MTMR2: variants seen among roughly 807,000 people sequenced by gnomAD.
The protein encoded by MTMR2 is myotubularin related protein 2.
In MTMR2, 55 loss-of-function variants were observed where a neutral mutation model predicts 86.9. The ratio of observed to expected loss-of-function variants is 0.63; its 90% CI spans 0.51 to 0.79. The LOEUF (loss-of-function observed/expected upper bound fraction) is 0.79. MTMR2 is among the 30% of genes least tolerant of loss of function. MTMR2 has a pLI of 0.00. For missense variants in MTMR2, 659 were observed against 772.3 expected (o/e 0.85, Z 1.74); for synonymous variants, 241 against 266.8 (o/e 0.90, Z 0.94).
At chr11:95,851,636 C>T (rs1481861536) in intron 7 of MTMR2, among the ~76,000 whole-genome samples, 1 of 152,150 alleles carries the variant, frequency 6.6e-6, no homozygotes, top group Non-Finnish European at 1.5e-5. Context: ...TGCAGGGTCT[C>T]ATTCAGTTTG....
intron 13 of MTMR2, among the ~76,000 whole-genome samples, chr11:95,837,135 ATACT>A (rs1405650562): frequency 2.6e-5 from 4 of 152,050 alleles, no homozygotes; most frequent in Non-Finnish European, 5.9e-5. Context: ...ATGCATAGAA[ATACT>A]TACTGCATGC....
At chr11:95,889,577 A>C (rs1314980278) in intron 1 of MTMR2, among the ~76,000 whole-genome samples, 1 of 151,610 alleles carries the variant, frequency 6.6e-6, no homozygotes, top group Non-Finnish European at 1.5e-5. Flanking sequence ...TGTTCTCCTC[A>C]AACTCCTGGC....
In MTMR2 at chr11:95,874,465, C is replaced by T. The variant is rs750548977; in HGVS notation, c.187-8789G>A. ...TTGCTTGGTAGATCTTCCTCCATCC[C>T]TTTATTTTGAGCCTATGTGTGTCTC... is the stretch of plus-strand genomic sequence containing the variant. On this transcript the variant is annotated intron_variant, in intron 2 of 14. Transcript: ENST00000346299. 1.2e-3 allele frequency among the ~76,000 whole-genome samples: 177 copies of T among 151,954 alleles called. 2 individuals are homozygous for T. The highest frequency in any genetic ancestry group is 1.3e-3 in the Non-Finnish European group (89 of 67,942).
At position 95,852,355 on chromosome 11, in the gene MTMR2, C is replaced by T. The variant is rs1289221787; in HGVS notation, c.655-1606G>A. On this transcript the variant is annotated intron_variant, in intron 7 of 14. Transcript: ENST00000346299. ...TTATTCCTCAAGAAAAATTTACTAT[C>T]GTATTCACTAAATTGTTGTAAAAAT... Among the ~76,000 whole-genome samples the T allele has an allele frequency of 3.3e-5, 5 of 152,294 alleles. 1 individual carries two copies. The South Asian group carries it at 8.3e-4, about 25-fold the overall frequency.
At chr11:95,871,081 G>T (rs1280859086) in intron 2 of MTMR2, among the ~76,000 whole-genome samples, 2 of 152,060 alleles carry the variant, frequency 1.3e-5, no homozygotes, top group East Asian at 3.8e-4. Flanking sequence ...ATTTTTTATG[G>T]CTGCATAGTA....
chr11:95,893,496 T>C (rs1355681561), intron 1 of MTMR2, among the ~76,000 whole-genome samples: 2 of 152,124 alleles, frequency 1.3e-5, no homozygotes, highest in African/African-American at 4.8e-5. Flanking sequence ...CCACTTCGCT[T>C]CCCTTCCTAA....
intron 9 of MTMR2, among the ~76,000 whole-genome samples, chr11:95,848,368 T>C (rs1016360680): frequency 4.6e-5 from 7 of 152,176 alleles, no homozygotes; most frequent in African/African-American, 1.7e-4. Flanking sequence ...AGAAATAAAC[T>C]CTTTGCAATC....
chr11:95,892,599 T>C (rs1865751058), intron 1 of MTMR2, among the ~76,000 whole-genome samples: 1 of 152,192 alleles, frequency 6.6e-6, no homozygotes. Flanking sequence ...CCTAGGCCTA[T>C]ATACTTCATC....
chr11:95,878,553 C>T (rs1865208152), intron 2 of MTMR2, among the ~76,000 whole-genome samples: 1 of 152,084 alleles, frequency 6.6e-6, no homozygotes, highest in Non-Finnish European at 1.5e-5. Context: ...TCTGCAAAAA[C>T]TTCTACAAAA....
intron 1 of MTMR2, among the ~76,000 whole-genome samples, chr11:95,893,117 T>C (rs940283593): frequency 3.3e-5 from 5 of 152,184 alleles, no homozygotes; most frequent in Non-Finnish European, 7.3e-5. Flanking sequence ...TTTTCTCATC[T>C]GGCTCACTTT....
At chr11:95,859,566 G>T (rs938862399) in intron 5 of MTMR2, among the ~76,000 whole-genome samples, 1 of 152,070 alleles carries the variant, frequency 6.6e-6, no homozygotes, top group Admixed American at 6.6e-5. Context: ...CTTATCTACC[G>T]ACATTCTTTA....
chr11:95,875,554 A>C (rs1865076304), intron 2 of MTMR2, among the ~76,000 whole-genome samples: 1 of 151,992 alleles, frequency 6.6e-6, no homozygotes, highest in South Asian at 2.1e-4. Flanking sequence ...TTCCTCCTTT[A>C]GCTCAGAGTA....
intron 10 of MTMR2, among the ~76,000 whole-genome samples, chr11:95,845,707 C>CTG (rs1555059385): frequency 1.3e-5 from 2 of 151,552 alleles, no homozygotes; most frequent in Non-Finnish European, 1.5e-5. Flanking sequence ...TTCTGTAACA[C>CTG]TGCATGAAAA....
At chr11:95,883,861 T>C (rs1178252096) in intron 2 of MTMR2, among the ~76,000 whole-genome samples, 1 of 152,202 alleles carries the variant, frequency 6.6e-6, no homozygotes, top group Non-Finnish European at 1.5e-5. Context: ...CATTTTACAG[T>C]ACCTATAGCA....
rs752523757 is a variant in MTMR2, at chr11:95,838,210, G to GTCTTGT, written c.1480-4_1480-3insACAAGA. ...TTGAATTCAAATGCGGTAGGAAACTGCAAATCAAACATCACAAACACATAA... is the reference window on the plus strand; with the variant it reads ...TTGAATTCAAATGCGGTAGGAAACTGTCTTGTCAAATCAAACATCACAAACACATAA... On this transcript the variant is annotated splice_region_variant and splice_polypyrimidine_tract_variant and intron_variant, in intron 12 of 14. Coordinates refer to ENST00000346299, the MANE Select transcript of MTMR2 (RefSeq NM_016156.6). 1.3e-6 allele frequency: 2 copies of GTCTTGT among 1,500,658 alleles called. No individual in the cohort carries two copies. Among genetic ancestry groups the GTCTTGT allele is most frequent in the Non-Finnish European group, 1.9e-6 (2 of 1,077,532 alleles). 93.0% of individuals were successfully genotyped at this position (1,500,658 alleles called of 1,614,324 possible).
At chr11:95,861,028 T>C (rs1864399176) in intron 5 of MTMR2, among the ~76,000 whole-genome samples, 2 of 151,020 alleles carry the variant, frequency 1.3e-5, no homozygotes, top group South Asian at 4.2e-4. Flanking sequence ...GGCGTGGTGG[T>C]GGGCGCCTGT....
chr11:95,897,675 T>C (rs1470391397), intron 1 of MTMR2, among the ~76,000 whole-genome samples: 23 of 152,158 alleles, frequency 1.5e-4, no homozygotes, highest in Non-Finnish European at 1.5e-5. Flanking sequence ...TTTAGCTAAG[T>C]AGTGATTCTA....
At position 95,835,106 on chromosome 11, in the gene MTMR2, G is replaced by GAGTT. The variant is rs1416493053; in HGVS notation, c.*180_*183dup. 6.5e-6 allele frequency: 4 copies of GAGTT among 619,678 alleles called. No individual in the cohort carries two copies. The highest frequency in any genetic ancestry group is 1.2e-5 in the Non-Finnish European group (4 of 347,756). 38.4% of individuals were successfully genotyped at this position (619,678 alleles called of 1,614,324 possible). A position where few individuals can be genotyped will look rare whatever the true frequency, so the allele number is the denominator to read the frequency against. ...TATCATAATCATGTAATTACATATG[G>GAGTT]AGTTACTTCACTTAAGCCACCTGCA... On this transcript the variant is annotated 3_prime_UTR_variant, in exon 15 of 15. Coordinates refer to ENST00000346299, the MANE Select transcript of MTMR2 (RefSeq NM_016156.6).
rs1863174606 is a variant in MTMR2 at position 95,834,673 on chromosome 11, A to G, written c.*617T>C. On this transcript the variant is annotated 3_prime_UTR_variant, in exon 15 of 15. Coordinates refer to ENST00000346299, the MANE Select transcript of MTMR2 (RefSeq NM_016156.6). ...CCTCCCATTTTGGATCAACTTGCTA[A>G]TATGTCTTAAGTATGTAAATAATGA... 6.5e-6 allele frequency: 1 copy of G among 153,074 alleles called. No individual in the cohort carries two copies. Among genetic ancestry groups the G allele is most frequent in the South Asian group, 2.1e-4 (1 of 4,872 alleles). The allele number at this position is 153,074 out of a possible 1,614,324, so 9.5% of individuals were successfully genotyped here. A position where few individuals can be genotyped will look rare whatever the true frequency, so the allele number is the denominator to read the frequency against.
Sources: gnomAD v4.1 joint callset for allele counts (sites outside exome capture counted in the v4.1 genomes callset) on GRCh38, gnomAD v4.1.1 for gene constraint, MANE v1.5 for transcripts, NCBI Gene and HGNC (gene_info 2026-07-23, HGNC 2026-07-21) for gene names.